DCDC1: variants seen among roughly 807,000 people sequenced by gnomAD.
The protein encoded by DCDC1 is doublecortin domain-containing protein 1.
Under a neutral mutation model 178.3 loss-of-function variants are expected in DCDC1, and 200 were observed. That is an observed-to-expected ratio of 1.12 (90% CI 1.00 to 1.26). DCDC1 has a LOEUF of 1.26. Ranked by LOEUF, DCDC1 falls within the 50% of genes most tolerant of loss-of-function variation. The pLI is 0.00. For missense variants in DCDC1, 1,983 were observed against 1,749.2 expected (o/e 1.13, Z -2.38); for synonymous variants, 690 against 604.8 (o/e 1.14, Z -2.07).
At position 31,039,500 on chromosome 11, in the gene DCDC1, A is replaced by G. The variant is rs149534572; in HGVS notation, c.2591+24969T>C. ...GTCACTAATTTGTAAATTATGGATA[A>G]TATTAATACCTAAATTCATATGGTA... is the stretch of plus-strand genomic sequence containing the variant. On this transcript the variant is annotated intron_variant, in intron 20 of 38. Coordinates refer to ENST00000684477, the MANE Select transcript of DCDC1 (RefSeq NM_001387274.1). 2.0e-3 allele frequency among the ~76,000 whole-genome samples: 297 copies of G among 152,304 alleles called. 4 individuals carry two copies. Among genetic ancestry groups the G allele is most frequent in the African/African-American group, 6.5e-3 (272 of 41,572 alleles).
chr11:31,113,786 A>T (rs1311346208), intron 11 of DCDC1, among the ~76,000 whole-genome samples: 1 of 151,742 alleles, frequency 6.6e-6, no homozygotes, highest in African/African-American at 2.4e-5. Flanking sequence ...CATGGTTAAT[A>T]AAAAAAAATT....
chr11:31,065,059 G>A lies in DCDC1; in HGVS notation c.2393C>T (p.Thr798Ile), dbSNP rs534825505. 9.0e-5 allele frequency: 69 copies of A among 765,198 alleles called. 2 individuals are homozygous for A. The South Asian group carries it at 9.3e-4, about 10-fold the overall frequency. The allele number at this position is 765,198 out of a possible 1,614,324, so 47.4% of individuals were successfully genotyped here. ...TCTGCCATGTTCCTGATGAGCTGTG[G>A]TCCAGGCACCATGGTGAATGTGATA... ...TEYHIHHGAW[T>I]TAHQEHGRNL... The change falls in exon 19 of 39, where the codon ACC (threonine) becomes ATC (isoleucine). Residue 798 changes from threonine to isoleucine, a missense_variant. Coordinates refer to ENST00000684477, the MANE Select transcript of DCDC1 (RefSeq NM_001387274.1).
chr11:31,172,565 T>C (rs1967383198), intron 9 of DCDC1, among the ~76,000 whole-genome samples: 1 of 152,192 alleles, frequency 6.6e-6, no homozygotes, highest in Non-Finnish European at 1.5e-5. Context: ...CTCTAAAATT[T>C]AGTAACAGCC....
At chr11:31,009,674 G>GC (rs1952057403) in intron 20 of DCDC1, among the ~76,000 whole-genome samples, 2 of 152,058 alleles carry the variant, frequency 1.3e-5, no homozygotes, top group Non-Finnish European at 2.9e-5. Context: ...CCTCTCCTCT[G>GC]CTTTTTGTTC....
chr11:31,202,884 C>T (rs888375801), intron 9 of DCDC1, among the ~76,000 whole-genome samples: 2 of 151,968 alleles, frequency 1.3e-5, no homozygotes, highest in Non-Finnish European at 2.9e-5. Context: ...CCCACTGTTT[C>T]GATATATGAC....
At chr11:31,100,765 G>T (rs1419387635) in intron 15 of DCDC1, among the ~76,000 whole-genome samples, 1 of 152,206 alleles carries the variant, frequency 6.6e-6, no homozygotes, top group Admixed American at 6.5e-5. Flanking sequence ...ATGAAGTCCA[G>T]ACGAAAATTC....
At chr11:30,930,127 C>T (rs163879) in intron 22 of DCDC1, among the ~76,000 whole-genome samples, 93,796 of 151,918 alleles carry the variant, frequency 0.62, 29,754 homozygotes, top group Middle Eastern at 0.77. Context: ...CAGGTTAATG[C>T]AAGTAATATA....
chr11:31,127,380 G>A, intron 11 of DCDC1, 89 bp downstream of exon 11: 1 of 549,906 alleles, frequency 1.8e-6, no homozygotes, highest in Non-Finnish European at 3.2e-6. Context: ...AGAAATTCAA[G>A]CTAAGTGGCA....
intron 7 of DCDC1, among the ~76,000 whole-genome samples, chr11:31,273,586 C>G (rs1012960373): frequency 6.6e-6 from 1 of 152,172 alleles, no homozygotes; most frequent in East Asian, 1.9e-4. Context: ...CAACAAGTCT[C>G]TAGGGAGCTC....
intron 1 of DCDC1, among the ~76,000 whole-genome samples, chr11:31,340,099 G>GT (rs1157146977): frequency 5.3e-5 from 8 of 152,148 alleles, no homozygotes; most frequent in Non-Finnish European, 1.2e-4. Context: ...ACTCCCAGTG[G>GT]TAAGTGGGAT....
chr11:31,364,621 T>C (rs1464529794), intron 1 of DCDC1, among the ~76,000 whole-genome samples: 2 of 152,286 alleles, frequency 1.3e-5, no homozygotes, highest in East Asian at 1.9e-4. Context: ...GCAAAAAATA[T>C]TTACCTCTTC....
chr11:31,221,875 C>T (rs913747576), intron 9 of DCDC1, among the ~76,000 whole-genome samples: 12 of 152,126 alleles, frequency 7.9e-5, no homozygotes, highest in Non-Finnish European at 1.0e-4. Context: ...TCTCCTTTCA[C>T]ATTTTATTAT....
intron 9 of DCDC1, among the ~76,000 whole-genome samples, chr11:31,141,647 A>G (rs1196996620): frequency 6.6e-6 from 1 of 152,212 alleles, no homozygotes; most frequent in East Asian, 1.9e-4. Flanking sequence ...AGCAGAAACA[A>G]CATGATAATC....
At chr11:30,890,529 C>T (rs1943677493) in intron 36 of DCDC1, among the ~76,000 whole-genome samples, 1 of 152,172 alleles carries the variant, frequency 6.6e-6, no homozygotes, top group Admixed American at 6.5e-5. Context: ...CCTGCCTTCA[C>T]TGCTAATTTT....
At chr11:31,052,042 A>G (rs542249435) in intron 20 of DCDC1, among the ~76,000 whole-genome samples, 56 of 152,336 alleles carry the variant, frequency 3.7e-4, no homozygotes, top group Admixed American at 3.1e-3. Flanking sequence ...TGCTCCACTT[A>G]AAACATACAG....
At chr11:31,338,040 C>T (rs1950358683) in intron 1 of DCDC1, among the ~76,000 whole-genome samples, 1 of 152,168 alleles carries the variant, frequency 6.6e-6, no homozygotes, top group Non-Finnish European at 1.5e-5. Context: ...ACAGCAAATT[C>T]TCCATTGACC....
At chr11:31,242,278 T>C (rs1443634095) in intron 8 of DCDC1, among the ~76,000 whole-genome samples, 3 of 151,922 alleles carry the variant, frequency 2.0e-5, no homozygotes, top group African/African-American at 4.8e-5. Flanking sequence ...ATAAAAGATA[T>C]TTACTTATGG....
intron 20 of DCDC1, among the ~76,000 whole-genome samples, chr11:30,969,255 G>A (rs1423912379): frequency 1.3e-5 from 2 of 152,160 alleles, no homozygotes; most frequent in Non-Finnish European, 2.9e-5. Context: ...GATTATCTGT[G>A]TTTAGGCCCT....
intron 9 of DCDC1, among the ~76,000 whole-genome samples, chr11:31,141,042 G>T (rs551720048): frequency 6.6e-6 from 1 of 152,190 alleles, no homozygotes; most frequent in East Asian, 1.9e-4. Context: ...ATCCTAGAGG[G>T]GAAAATGGAC....
Sources: gnomAD v4.1 joint callset for allele counts (sites outside exome capture counted in the v4.1 genomes callset) on GRCh38, gnomAD v4.1.1 for gene constraint, MANE v1.5 for transcripts, NCBI Gene and HGNC (gene_info 2026-07-23, HGNC 2026-07-21) for gene names.